The following LPIN1 variants were observed in gnomAD, a reference collection of about 807,000 sequenced individuals.
The protein encoded by LPIN1 is phosphatidate phosphatase LPIN1.
In LPIN1, 71 loss-of-function variants were observed where a neutral mutation model predicts 107.5. The observed-to-expected ratio is 0.66, with a 90% CI of 0.55 to 0.80. LPIN1 has a LOEUF of 0.80. Ranked by LOEUF, LPIN1 falls within the 30% of genes least tolerant of loss-of-function variation. The pLI is 0.00. For synonymous variants in LPIN1, 445 were observed against 452.6 expected (o/e 0.98, Z 0.21); for missense variants, 1,043 against 1,160.6 (o/e 0.90, Z 1.47).
At chr2:11,764,582 C>T (rs1271238948) in intron 1 of LPIN1, among the ~76,000 whole-genome samples, 1 of 152,196 alleles carries the variant, frequency 6.6e-6, no homozygotes, top group East Asian at 1.9e-4. Context: ...AAGTGGATTG[C>T]AGTTGACAGC....
intron 3 of LPIN1, among the ~76,000 whole-genome samples, chr2:11,768,702 C>G (rs1572700539): frequency 6.6e-6 from 1 of 152,008 alleles, no homozygotes. Flanking sequence ...TTTGGGAGGT[C>G]GAGGTGGGCG....
chr2:11,716,078 A>C (rs1412764088), intron 2 of LPIN1, among the ~76,000 whole-genome samples: 1 of 152,186 alleles, frequency 6.6e-6, no homozygotes, highest in Non-Finnish European at 1.5e-5. Flanking sequence ...ACCAGCTGGC[A>C]GTTGGATGCA....
Position 11,765,716 on chromosome 2 carries a change from C to T in LPIN1, c.175C>T (p.Arg59Cys), listed in dbSNP as rs1306580224. Residue 59 changes from arginine to cysteine, a missense_variant, in exon 2 of 21, where the codon CGC becomes TGC. By Grantham distance (180) the Arg-to-Cys change is radical. Transcript: ENST00000674199. This position sits in a 1 kb window ranked among gnomAD's most constrained non-coding sequence, Gnocchi z 4.4. ...CCGCTTTGGGAAGATGGGGGTCCTG[C>T]GCTCCCGAGAGAAAGTGGTGAGCTC... is the stretch of plus-strand genomic sequence containing the variant. Reference protein sequence around the residue: ...HVRFGKMGVLRSREKVVDIEI... With the variant: ...HVRFGKMGVLCSREKVVDIEI... 5.6e-6 allele frequency: 9 copies of T among 1,610,890 alleles called. No homozygotes were observed. The highest frequency in any genetic ancestry group is 6.8e-6 in the Non-Finnish European group (8 of 1,177,492).
chr2:11,815,844 A>G (rs1170867408), intron 18 of LPIN1, among the ~76,000 whole-genome samples: 1 of 152,090 alleles, frequency 6.6e-6, no homozygotes, highest in African/African-American at 2.4e-5. Flanking sequence ...ATGGGGCCAT[A>G]TCAAGGTAGC....
intron 1 of LPIN1, among the ~76,000 whole-genome samples, chr2:11,734,409 A>C (rs1221014475): frequency 6.6e-6 from 1 of 152,238 alleles, no homozygotes; most frequent in Non-Finnish European, 1.5e-5. Context: ...AAGCAAATAC[A>C]ACCCATTGTT....
intron 17 of LPIN1, among the ~76,000 whole-genome samples, chr2:11,809,982 G>T (rs543363993): frequency 6.6e-6 from 1 of 152,242 alleles, no homozygotes; most frequent in East Asian, 1.9e-4. Flanking sequence ...GACCCCTGAG[G>T]TCACTGCTAA....
intron 20 of LPIN1, among the ~76,000 whole-genome samples, chr2:11,823,563 T>G (rs1276545393): frequency 1.3e-5 from 2 of 152,172 alleles, no homozygotes; most frequent in Non-Finnish European, 2.9e-5. Flanking sequence ...CCTCAGAACA[T>G]GCACACTTCT....
chr2:11,733,444 A>T (rs1469174887), intron 1 of LPIN1, among the ~76,000 whole-genome samples: 1 of 151,908 alleles, frequency 6.6e-6, no homozygotes, highest in Non-Finnish European at 1.5e-5. Flanking sequence ...ATACACACAT[A>T]ATAATTGTCC....
At chr2:11,741,152 A>G in intron 1 of LPIN1, 2 of 431,010 alleles carry the variant, frequency 4.6e-6, no homozygotes, top group Non-Finnish European at 8.2e-6. Flanking sequence ...CCTGGAAGGC[A>G]GAGCTAAGAG....
intron 7 of LPIN1, 145 bp downstream of exon 7, chr2:11,779,790 T>C (rs1673267794): frequency 1.1e-6 from 1 of 920,426 alleles, no homozygotes; most frequent in South Asian, 1.5e-5. Context: ...GCCTTGAATG[T>C]TGGAATTACT....
In LPIN1 at chr2:11,783,907, T is replaced by G. The variant is rs773483669; in HGVS notation, c.1343T>G (p.Leu448Arg). 1 of 1,614,128 alleles carries G rather than the reference T, an allele frequency of 6.2e-7. No individual in the cohort carries two copies. The highest frequency in any genetic ancestry group is 8.5e-7 in the Non-Finnish European group (1 of 1,179,976). ...LTDMDPEVAA[L>R]YFPKNGDPSG... ...GACATGGATCCTGAAGTGGCGGCCC[T>G]GTATTTTCCCAAAAAGTAAAATTCC... Residue 448 changes from leucine to arginine, a missense_variant, in exon 9 of 21, where the codon CTG (leucine) becomes CGG (arginine). Leu to Arg is a moderately radical substitution (Grantham distance 102). Coordinates refer to ENST00000674199, the MANE Select transcript of LPIN1 (RefSeq NM_001349206.2).
intron 12 of LPIN1, 95 bp downstream of exon 12, chr2:11,788,551 A>G: frequency 1.1e-6 from 1 of 950,438 alleles, no homozygotes; most frequent in Admixed American, 1.8e-5. Context: ...TGGAAACTAC[A>G]GAGTTAATTC....
At position 11,771,758 on chromosome 2, in the gene LPIN1, C is replaced by T; in HGVS notation, c.596+79C>T. On this transcript the variant is annotated intron_variant, in intron 4 of 20. Coordinates refer to ENST00000674199, the MANE Select transcript of LPIN1 (RefSeq NM_001349206.2). The surrounding 1 kb of genome is among the most constrained non-coding windows in gnomAD (Gnocchi z 4.8). Reference sequence around the variant, plus strand: ...CAAGATTATTTTTATGAACTTTTCCCCCATAATTCCTTATTCTTTTATGTG... The same window carrying T: ...CAAGATTATTTTTATGAACTTTTCCTCCATAATTCCTTATTCTTTTATGTG... The T allele has an allele frequency of 7.2e-7, 1 of 1,395,888 alleles. No homozygotes were observed. Among genetic ancestry groups the T allele is most frequent in the South Asian group, 1.3e-5 (1 of 76,256 alleles). 86.5% of individuals were successfully genotyped at this position (1,395,888 alleles called of 1,614,324 possible).
intron 17 of LPIN1, among the ~76,000 whole-genome samples, chr2:11,810,028 A>T (rs1197557242): frequency 6.6e-6 from 1 of 152,102 alleles, no homozygotes; most frequent in East Asian, 1.9e-4. Context: ...TGTGGATTGC[A>T]CAAGGGTGTG....
intron 1 of LPIN1, among the ~76,000 whole-genome samples, chr2:11,759,052 G>A (rs1446293603): frequency 2.0e-5 from 3 of 152,216 alleles, no homozygotes; most frequent in Admixed American, 1.3e-4. Context: ...AGGCCAATGC[G>A]CCCCCTTTAC....
chr2:11,695,628 T>C (rs1380006826), intron 1 of LPIN1, among the ~76,000 whole-genome samples: 1 of 152,230 alleles, frequency 6.6e-6, no homozygotes, highest in African/African-American at 2.4e-5. Context: ...TACGCCAGCT[T>C]AGGGTAGCTG....
chr2:11,746,359 C>T (rs574045531), upstream of LPIN1, among the ~76,000 whole-genome samples: 242 of 152,294 alleles, frequency 1.6e-3, no homozygotes, highest in African/African-American at 5.6e-3. Context: ...CAGTCATCGG[C>T]ATAGGTCAAG....
chr2:11,759,552 A>T (rs1669303976), intron 1 of LPIN1, among the ~76,000 whole-genome samples: 2 of 152,224 alleles, frequency 1.3e-5, no homozygotes, highest in South Asian at 4.1e-4. Flanking sequence ...CTTAGTACAG[A>T]ACAAAATGGA....
chr2:11,731,902 G>C (rs112762065), intron 1 of LPIN1, among the ~76,000 whole-genome samples: 6,599 of 151,754 alleles, frequency 0.043, 205 homozygotes, highest in Non-Finnish European at 0.069. Flanking sequence ...CCTTTGCCCA[G>C]TTTTTGATGG....
Sources: gnomAD v4.1 joint callset for allele counts (sites outside exome capture counted in the v4.1 genomes callset) on GRCh38, gnomAD v4.1.1 for gene constraint, Gnocchi (gnomAD v3.1) non-coding constraint, MANE v1.5 for transcripts, NCBI Gene and HGNC (gene_info 2026-07-23, HGNC 2026-07-21) for gene names.